Variants in PIGN observed in about 807,000 individuals in gnomAD.
The protein encoded by PIGN is GPI ethanolamine phosphate transferase 1.
PIGN carries 117 observed loss-of-function variants against 125.4 expected under a neutral mutation model. The ratio of observed to expected loss-of-function variants is 0.93; its 90% CI spans 0.80 to 1.09. The LOEUF (loss-of-function observed/expected upper bound fraction) is 1.09, where lower values mean the gene tolerates loss of function less well. Ranked by LOEUF, PIGN falls within the 50% of genes least tolerant of loss-of-function variation. PIGN has a pLI of 0.00. For missense variants in PIGN, 1,075 were observed against 1,094.9 expected (o/e 0.98, Z 0.26); for synonymous variants, 392 against 377.8 (o/e 1.04, Z -0.44).
rs181962445 is a variant in PIGN, at chr18:62,171,119, G to A, written c.-235-7463C>T. On this transcript the variant is annotated intron_variant, in intron 1 of 30. Coordinates refer to ENST00000640252, the MANE Select transcript of PIGN (RefSeq NM_176787.5). ...ACTGATAACAATATTTAGTCTCTCTGTCCAGGAATACAGTATAACTCTCCA... is the reference window on the plus strand; with the variant it reads ...ACTGATAACAATATTTAGTCTCTCTATCCAGGAATACAGTATAACTCTCCA... Among the ~76,000 whole-genome samples the A allele has an allele frequency of 8.5e-4, 130 of 152,288 alleles. 4 individuals carry two copies. Among genetic ancestry groups the A allele is most frequent in the Admixed American group, 7.6e-3 (116 of 15,294 alleles).
intron 23 of PIGN, among the ~76,000 whole-genome samples, chr18:62,094,431 G>A (rs1013976558): frequency 3.5e-4 from 54 of 152,144 alleles, no homozygotes; most frequent in African/African-American, 1.3e-3. Context: ...ACCTCTGGGT[G>A]TGATCTCTTA....
At chr18:62,072,186 G>A (rs1352667245) in intron 30 of PIGN, 2 of 151,308 alleles carry the variant, frequency 1.3e-5, no homozygotes, top group South Asian at 4.2e-4. Context: ...TTAGAGAATA[G>A]GGATATAAAG....
At chr18:62,048,685 GTTTTC>G (rs1247402853) in intron 30 of PIGN, among the ~76,000 whole-genome samples, 3 of 114,242 alleles carry the variant, frequency 2.6e-5, no homozygotes, top group Non-Finnish European at 3.6e-5. Flanking sequence ...TCTGAAGGAA[GTTTTC>G]TTTTCTTTTT....
At chr18:62,020,107 T>C (rs1277934792) in intron 23 of PIGN, among the ~76,000 whole-genome samples, 1 of 152,132 alleles carries the variant, frequency 6.6e-6, no homozygotes, top group African/African-American at 2.4e-5. Context: ...CAAAAAAGAC[T>C]CCATGCAACT....
At chr18:62,086,621 T>TG (rs1467913500) in intron 25 of PIGN, among the ~76,000 whole-genome samples, 2 of 149,078 alleles carry the variant, frequency 1.3e-5, no homozygotes, top group Admixed American at 6.6e-5. Flanking sequence ...GTTTTTTGTT[T>TG]TTTTTTTTTT....
chr18:62,058,334 T>A (rs2145327735), intron 30 of PIGN, among the ~76,000 whole-genome samples: 1 of 152,338 alleles, frequency 6.6e-6, no homozygotes, highest in South Asian at 2.1e-4. Context: ...GTGGAGTGGC[T>A]TGTGGCTGTG....
chr18:62,179,958 C>T (rs1370939204), intron 1 of PIGN, among the ~76,000 whole-genome samples: 1 of 152,094 alleles, frequency 6.6e-6, no homozygotes, highest in Non-Finnish European at 1.5e-5. Flanking sequence ...ACATTCAAGA[C>T]CTATATTCTA....
intron 14 of PIGN, among the ~76,000 whole-genome samples, chr18:62,132,047 T>C (rs2147012335): frequency 6.6e-6 from 1 of 152,302 alleles, no homozygotes; most frequent in South Asian, 2.1e-4. Flanking sequence ...AAGACTTTAT[T>C]ACACAATAGT....
At chr18:62,082,981 C>G (rs2033522003) in intron 27 of PIGN, among the ~76,000 whole-genome samples, 1 of 152,006 alleles carries the variant, frequency 6.6e-6, no homozygotes, top group Non-Finnish European at 1.5e-5. Flanking sequence ...CAGCAAACAT[C>G]AATACATATT....
Position 62,019,726 on chromosome 18 carries a change from C to A in PIGN, c.2143-1985G>T, listed in dbSNP as rs1326158529. On this transcript the variant is annotated intron_variant, in intron 23 of 24. Transcript: ENST00000639600. ...AGCACACTTAGGATTCTGCTTCTGG[C>A]CACAACAGATTAACTGATACTGGCC... Among the ~76,000 whole-genome samples, 8 of 152,292 alleles carry A rather than the reference C, an allele frequency of 5.3e-5. No individual in the cohort carries two copies. In the East Asian group the frequency reaches 1.3e-3, roughly 26 times the overall value.
chr18:62,156,841 CAG>C (rs2036752741), intron 6 of PIGN, among the ~76,000 whole-genome samples: 1 of 151,940 alleles, frequency 6.6e-6, no homozygotes, highest in South Asian at 2.1e-4. Context: ...AATTGAAGCT[CAG>C]AGAGGTTATA....
At chr18:62,048,207 T>G (rs530566849) in intron 30 of PIGN, among the ~76,000 whole-genome samples, 1 of 152,110 alleles carries the variant, frequency 6.6e-6, no homozygotes, top group South Asian at 2.1e-4. Flanking sequence ...CAGGGACCTG[T>G]GGACTGTGAC....
intron 30 of PIGN, chr18:62,052,301 G>A (rs1414135807): frequency 6.6e-6 from 1 of 151,408 alleles, no homozygotes; most frequent in East Asian, 1.9e-4. Context: ...TGACAGTGGG[G>A]TGTTAAAGTC....
Position 62,146,954 on chromosome 18 carries a change from A to T in PIGN, c.805+17T>A. 1.2e-6 allele frequency: 2 copies of T among 1,609,512 alleles called. No homozygotes were observed. The highest frequency in any genetic ancestry group is 1.7e-6 in the Non-Finnish European group (2 of 1,176,656). On this transcript the variant is annotated intron_variant, in intron 9 of 30. Coordinates refer to ENST00000640252, the MANE Select transcript of PIGN (RefSeq NM_176787.5). ...TACTTTAATTGTAAGGTACATATCA[A>T]TTAAAGACACACTAACCCCAGTCTG...
Position 62,154,625 on chromosome 18 carries a change from AT to A in PIGN, c.468del (p.Tyr157IlefsTer43), listed in dbSNP as rs1173776194. The A allele has an allele frequency of 3.8e-6, 6 of 1,569,734 alleles. No individual in the cohort carries two copies. The highest frequency in any genetic ancestry group is 8.8e-7 in the Non-Finnish European group (1 of 1,141,720). On this transcript the variant is annotated frameshift_variant, in exon 7 of 31. Coordinates refer to ENST00000640252, the MANE Select transcript of PIGN (RefSeq NM_176787.5). LOFTEE classifies it high-confidence loss of function. ...AKGASGDHVY[T>X]YSYDAKREDF... ...TCCTCTCTTTTAGCATCATAACTAT[AT>A]GTATAAACGTGGTCTCCACTAGCAC...
chr18:62,121,871 T>C (rs1227358894), intron 14 of PIGN, among the ~76,000 whole-genome samples: 1 of 151,398 alleles, frequency 6.6e-6, no homozygotes, highest in Non-Finnish European at 1.5e-5. Context: ...ATTTCCTTTC[T>C]TTTAGATATA....
intron 14 of PIGN, among the ~76,000 whole-genome samples, chr18:62,125,544 G>A (rs1430634276): frequency 2.0e-5 from 3 of 151,896 alleles, no homozygotes; most frequent in East Asian, 1.9e-4. Context: ...TGTATCACAC[G>A]ATGGAACTGC....
chr18:62,080,155 C>T (rs570488014), intron 28 of PIGN, among the ~76,000 whole-genome samples: 2 of 151,544 alleles, frequency 1.3e-5, no homozygotes, highest in Non-Finnish European at 2.9e-5. Context: ...GTTTTTTTTC[C>T]CCCAATCCCT....
At chr18:62,056,625 T>C (rs1269138187) in intron 30 of PIGN, 1 of 152,354 alleles carries the variant, frequency 6.6e-6, no homozygotes, top group Non-Finnish European at 1.5e-5. Context: ...CAGGTACCTT[T>C]CTTGTCTAAA....
Sources: allele counts gnomAD v4.1 joint callset (sites outside exome capture counted in the v4.1 genomes callset), GRCh38; gene constraint gnomAD v4.1.1; transcripts MANE v1.5; gene names NCBI Gene and HGNC (gene_info 2026-07-23, HGNC 2026-07-21).